NCOA2: variants seen among roughly 807,000 people sequenced by gnomAD.
NCOA2 encodes the protein nuclear receptor coactivator 2, also known as class E basic helix-loop-helix protein 75.
A neutral mutation model predicts 145.1 loss-of-function variants in NCOA2; 21 were observed. The ratio of observed to expected loss-of-function variants is 0.14; its 90% CI spans 0.10 to 0.21. NCOA2 has a LOEUF of 0.21. NCOA2 is among the 10% of genes least tolerant of loss of function. The pLI is 1.00. For missense variants in NCOA2, 1,472 were observed against 1,837.6 expected, an observed-to-expected ratio of 0.80 and a Z score of 3.64; for synonymous variants, 619 against 637.5, an observed-to-expected ratio of 0.97 and a Z score of 0.44.
At chr8:70,271,476 A>C (rs1246531557) in intron 2 of NCOA2, among the ~76,000 whole-genome samples, 1 of 152,236 alleles carries the variant, frequency 6.6e-6, no homozygotes, top group African/African-American at 2.4e-5. Flanking sequence ...TCCTCCTTTA[A>C]AATTAAATGC....
At chr8:70,152,735 CG>C (rs1811879907) in intron 11 of NCOA2, among the ~76,000 whole-genome samples, 1 of 152,118 alleles carries the variant, frequency 6.6e-6, no homozygotes, top group African/African-American at 2.4e-5. Flanking sequence ...CCACTCTGCT[CG>C]GTAAAAAATG....
intron 1 of NCOA2, chr8:70,402,666 C>T (rs1407441554): frequency 1.3e-5 from 2 of 152,048 alleles, no homozygotes; most frequent in East Asian, 1.9e-4. Context: ...CACAGGGCCC[C>T]TCCCGCTTCC....
At chr8:70,170,030 A>G (rs1466863335) in intron 6 of NCOA2, among the ~76,000 whole-genome samples, 172 bp downstream of exon 6, 3 of 152,084 alleles carry the variant, frequency 2.0e-5, no homozygotes, top group African/African-American at 7.2e-5. Context: ...CCCCTTTTCC[A>G]TGACTTTTAA....
At chr8:70,159,071 C>A (rs902619879) in intron 10 of NCOA2, among the ~76,000 whole-genome samples, 1 of 151,316 alleles carries the variant, frequency 6.6e-6, no homozygotes, top group Non-Finnish European at 1.5e-5. Flanking sequence ...ATACTAAAAT[C>A]CATGGATGCT....
intron 1 of NCOA2, among the ~76,000 whole-genome samples, chr8:70,363,546 T>C (rs1471741537): frequency 1.3e-5 from 2 of 152,212 alleles, no homozygotes; most frequent in Admixed American, 6.5e-5. Flanking sequence ...AACCCAAATG[T>C]CTTTTATATG....
intron 2 of NCOA2, among the ~76,000 whole-genome samples, chr8:70,239,221 G>C (rs922428181): frequency 3.9e-5 from 6 of 151,956 alleles, no homozygotes; most frequent in Admixed American, 3.3e-4. Flanking sequence ...GGACAGAAGG[G>C]GCCTCAAACA....
intron 15 of NCOA2, 93 bp from the exon 16 acceptor site, chr8:70,132,095 T>G (rs558136220): frequency 6.8e-6 from 9 of 1,333,308 alleles, no homozygotes; most frequent in Non-Finnish European, 9.2e-6. Context: ...ATCAATTGAC[T>G]TCCAGGGTTG....
At chr8:70,150,320 C>A (rs1462973062) in intron 11 of NCOA2, among the ~76,000 whole-genome samples, 1 of 152,190 alleles carries the variant, frequency 6.6e-6, no homozygotes, top group Non-Finnish European at 1.5e-5. Context: ...ATCCTTAAAG[C>A]TCTGTAGGAA....
At chr8:70,412,118 CT>C in the NCOA2 span, among the ~76,000 whole-genome samples, 1 of 152,104 alleles carries the variant, frequency 6.6e-6, no homozygotes. Flanking sequence ...AGCACAGCTG[CT>C]TCATAAAATG....
At chr8:70,159,373 T>C in intron 10 of NCOA2, 132 bp downstream of exon 10, 1 of 859,680 alleles carries the variant, frequency 1.2e-6, no homozygotes. Flanking sequence ...AATTTAATTT[T>C]ATATTTTACA....
chr8:70,309,541 T>C (rs1418039239), intron 1 of NCOA2, among the ~76,000 whole-genome samples: 2 of 152,118 alleles, frequency 1.3e-5, no homozygotes, highest in African/African-American at 2.4e-5. Context: ...TCTGGGAATA[T>C]AATGGTTTAA....
intron 1 of NCOA2, among the ~76,000 whole-genome samples, chr8:70,351,883 T>C (rs1809280081): frequency 6.6e-6 from 1 of 151,832 alleles, no homozygotes. Flanking sequence ...ACACCCAGTG[T>C]GAGTTCACTT....
intron 2 of NCOA2, among the ~76,000 whole-genome samples, chr8:70,249,173 C>T (rs1282345876): frequency 1.3e-5 from 2 of 152,016 alleles, no homozygotes; most frequent in Non-Finnish European, 2.9e-5. Flanking sequence ...TTAGTGTACC[C>T]GATGGGGCAG....
At chr8:70,302,405 G>C (rs778146570) in intron 1 of NCOA2, among the ~76,000 whole-genome samples, 1 of 152,076 alleles carries the variant, frequency 6.6e-6, no homozygotes, top group Non-Finnish European at 1.5e-5. Flanking sequence ...ACAAGCTCAT[G>C]ATTTCTTTCT....
At chr8:70,285,942 T>C (rs1199320478) in intron 2 of NCOA2, among the ~76,000 whole-genome samples, 2 of 152,204 alleles carry the variant, frequency 1.3e-5, no homozygotes, top group Non-Finnish European at 2.9e-5. Flanking sequence ...CCTGACAATA[T>C]GATTTAATTC....
the NCOA2 span, among the ~76,000 whole-genome samples, chr8:70,427,664 C>T: frequency 6.6e-6 from 1 of 152,170 alleles, no homozygotes; most frequent in Admixed American, 6.5e-5. Flanking sequence ...AAGTGGTACC[C>T]CTTCTCCCAG....
At chr8:70,346,511 T>C (rs1808659157) in intron 1 of NCOA2, among the ~76,000 whole-genome samples, 1 of 152,240 alleles carries the variant, frequency 6.6e-6, no homozygotes. Flanking sequence ...TTGAGTTGCC[T>C]GCCTTTTTCC....
intron 20 of NCOA2, 146 bp from the exon 21 acceptor site, chr8:70,124,228 T>A: frequency 1.4e-6 from 1 of 724,908 alleles, no homozygotes; most frequent in South Asian, 2.1e-5. Flanking sequence ...CGGCAGGTGG[T>A]GGGCTTGCTG....
chr8:70,274,166 G>A (rs1825290020), intron 2 of NCOA2, among the ~76,000 whole-genome samples: 1 of 149,732 alleles, frequency 6.7e-6, no homozygotes, highest in Non-Finnish European at 1.5e-5. Context: ...GTAAATCACA[G>A]TGTAGTGTAA....
Sources: allele counts gnomAD v4.1 joint callset (sites outside exome capture counted in the v4.1 genomes callset), GRCh38; gene constraint gnomAD v4.1.1; transcripts MANE v1.5; gene names NCBI Gene and HGNC (gene_info 2026-07-23, HGNC 2026-07-21).